MOB3B: variants seen among roughly 807,000 people sequenced by gnomAD.
MOB3B encodes MOB kinase activator-like 2B.
Under a neutral mutation model 18.7 loss-of-function variants are expected in MOB3B, and 7 were observed. The ratio of observed to expected loss-of-function variants is 0.37; its 90% CI spans 0.21 to 0.70. The LOEUF (loss-of-function observed/expected upper bound fraction) is 0.70, where lower values mean the gene tolerates loss of function less well. Ranked by LOEUF, MOB3B falls within the 30% of genes least tolerant of loss-of-function variation. The probability of loss-of-function intolerance (pLI) is 0.52; values close to 1 mark genes in which losing one functional copy is unlikely to be tolerated. For synonymous variants in MOB3B, 111 were observed against 99.9 expected, an observed-to-expected ratio of 1.11 and a Z score of -0.66; for missense variants, 253 against 281.3, an observed-to-expected ratio of 0.90 and a Z score of 0.72.
chr9:27,333,394 T>C (rs1163585453), intron 3 of MOB3B, among the ~76,000 whole-genome samples: 4 of 151,882 alleles, frequency 2.6e-5, no homozygotes, highest in Admixed American at 2.6e-4. Flanking sequence ...ATGGCAATGC[T>C]AGGTTCCATC....
chr9:27,524,164 A>G, intron 1 of MOB3B: 1 of 535,646 alleles, frequency 1.9e-6, no homozygotes, highest in Non-Finnish European at 3.0e-6. Flanking sequence ...AAAAAAAAAA[A>G]AAAAAAAGCC....
At chr9:27,479,213 G>A (rs1191802956) in intron 1 of MOB3B, among the ~76,000 whole-genome samples, 3 of 152,142 alleles carry the variant, frequency 2.0e-5, no homozygotes, top group Non-Finnish European at 4.4e-5. Context: ...CATGGCAGAA[G>A]GCATCATATG....
chr9:27,435,413 T>C (rs1822484281), intron 2 of MOB3B, among the ~76,000 whole-genome samples: 1 of 152,108 alleles, frequency 6.6e-6, no homozygotes, highest in Non-Finnish European at 1.5e-5. Context: ...ATTTAAGAGC[T>C]ATGAAAGGTA....
intron 2 of MOB3B, among the ~76,000 whole-genome samples, chr9:27,394,451 C>A (rs1358500999): frequency 2.0e-5 from 3 of 152,070 alleles, no homozygotes; most frequent in Non-Finnish European, 4.4e-5. Flanking sequence ...AAAACAAAAG[C>A]AGAGGCCTAG....
At chr9:27,435,343 T>C (rs1822483079) in intron 2 of MOB3B, among the ~76,000 whole-genome samples, 1 of 152,148 alleles carries the variant, frequency 6.6e-6, no homozygotes, top group Non-Finnish European at 1.5e-5. Flanking sequence ...AGTATACATG[T>C]TTATAAACTT....
intron 1 of MOB3B, among the ~76,000 whole-genome samples, chr9:27,522,794 G>C (rs1440209069): frequency 6.6e-6 from 1 of 151,996 alleles, no homozygotes; most frequent in Non-Finnish European, 1.5e-5. Context: ...CTCTAGGAAG[G>C]TTGTGTCAAT....
At position 27,495,229 on chromosome 9, in the gene MOB3B, G is replaced by A. The variant is rs924698799; in HGVS notation, c.-199+34326C>T. 3.9e-4 allele frequency among the ~76,000 whole-genome samples: 60 copies of A among 152,204 alleles called. 1 individual carries two copies. The highest frequency in any genetic ancestry group is 1.4e-3 in the African/African-American group (60 of 41,526). ...ACCTACAGTCTCAGCTATTCAGCAGGCTGAGGCAGAAGGATCACTTGAGCC... is the reference window on the plus strand; with the variant it reads ...ACCTACAGTCTCAGCTATTCAGCAGACTGAGGCAGAAGGATCACTTGAGCC... On this transcript the variant is annotated intron_variant, in intron 1 of 3. Transcript: ENST00000262244.
intron 1 of MOB3B, among the ~76,000 whole-genome samples, chr9:27,480,218 C>T (rs1023917906): frequency 2.0e-5 from 3 of 151,786 alleles, no homozygotes; most frequent in Admixed American, 6.6e-5. Context: ...GGCGCAATCT[C>T]GGCTCACTGC....
intron 1 of MOB3B, among the ~76,000 whole-genome samples, chr9:27,517,647 CAAA>C (rs756559270): frequency 1.8e-5 from 1 of 54,268 alleles, no homozygotes; most frequent in Non-Finnish European, 3.0e-5. Context: ...GACTCTGTCT[CAAA>C]AAAAAAAAAA....
chr9:27,376,720 C>T (rs535776858), intron 2 of MOB3B, among the ~76,000 whole-genome samples: 47 of 152,302 alleles, frequency 3.1e-4, no homozygotes, highest in African/African-American at 8.9e-4. Flanking sequence ...GTGTGGTCTC[C>T]GGACCAGCAG....
intron 2 of MOB3B, among the ~76,000 whole-genome samples, chr9:27,391,079 T>G (rs1396860850): frequency 6.6e-6 from 1 of 152,114 alleles, no homozygotes; most frequent in Non-Finnish European, 1.5e-5. Flanking sequence ...CCTGGAGGAG[T>G]TCTGAAGTTT....
In MOB3B at chr9:27,529,679, C is replaced by T. The variant is rs1053895385; in HGVS notation, c.-323G>A. 3 of 985,314 alleles carry T rather than the reference C, an allele frequency of 3.0e-6. No homozygotes were observed. Among genetic ancestry groups the T allele is most frequent in the African/African-American group, 3.5e-5 (2 of 57,250 alleles). The allele number at this position is 985,314 out of a possible 1,614,324, so 61.0% of individuals were successfully genotyped here. A position where few individuals can be genotyped will look rare whatever the true frequency, so the allele number is the denominator to read the frequency against. Reference sequence around the variant, plus strand: ...GTCGCTTGCCAATCCACGCAAGGGACTCTGCCGCCGGTGCGCGAGGTCCCG... The same window carrying T: ...GTCGCTTGCCAATCCACGCAAGGGATTCTGCCGCCGGTGCGCGAGGTCCCG... On this transcript the variant is annotated 5_prime_UTR_variant, in exon 1 of 4. Transcript: ENST00000262244.
At chr9:27,450,482 GCATTT>G (rs1236726923) in intron 2 of MOB3B, among the ~76,000 whole-genome samples, 1 of 151,970 alleles carries the variant, frequency 6.6e-6, no homozygotes, top group Non-Finnish European at 1.5e-5. Flanking sequence ...CAGTCCTCAG[GCATTT>G]CAGAGATGAT....
chr9:27,455,111 T>C (rs754883574), intron 2 of MOB3B, 22 bp downstream of exon 2: 3 of 1,613,702 alleles, frequency 1.9e-6, no homozygotes, highest in African/African-American at 1.3e-5. Context: ...ACAAAAAAAC[T>C]GAGAGCTGGT....
intron 2 of MOB3B, among the ~76,000 whole-genome samples, chr9:27,372,307 C>T (rs1821435080): frequency 6.6e-6 from 1 of 152,030 alleles, no homozygotes; most frequent in Admixed American, 6.5e-5. Context: ...TGCATTATAA[C>T]CTAAAGTAGA....
At chr9:27,421,912 T>C (rs999390302) in intron 2 of MOB3B, among the ~76,000 whole-genome samples, 2 of 152,278 alleles carry the variant, frequency 1.3e-5, no homozygotes, top group Admixed American at 6.5e-5. Context: ...ATAGCACTTA[T>C]CACCACCTGA....
intron 3 of MOB3B, among the ~76,000 whole-genome samples, chr9:27,334,654 A>G (rs1820836563): frequency 6.6e-6 from 1 of 152,170 alleles, no homozygotes; most frequent in Non-Finnish European, 1.5e-5. Flanking sequence ...CAGTGTACCC[A>G]TTTTTATAAC....
At chr9:27,481,454 G>A (rs925020371) in intron 1 of MOB3B, among the ~76,000 whole-genome samples, 2 of 151,300 alleles carry the variant, frequency 1.3e-5, no homozygotes, top group African/African-American at 2.4e-5. Context: ...GTGTGGTGGC[G>A]CCTGGGGTAA....
At chr9:27,524,970 T>G in intron 1 of MOB3B, 1 of 1,553,922 alleles carries the variant, frequency 6.4e-7, no homozygotes, top group Admixed American at 2.1e-5. Context: ...AGGTATATTT[T>G]TGGAATTAAA....
Sources: allele counts gnomAD v4.1 joint callset (sites outside exome capture counted in the v4.1 genomes callset), GRCh38; gene constraint gnomAD v4.1.1; transcripts MANE v1.5; gene names NCBI Gene and HGNC (gene_info 2026-07-23, HGNC 2026-07-21).